Variants in SLC14A2 observed in about 807,000 individuals in gnomAD.
SLC14A2 encodes the protein urea transporter 2.
Under a neutral mutation model 104.6 loss-of-function variants are expected in SLC14A2, and 91 were observed. That is an observed-to-expected ratio of 0.87 (90% CI 0.73 to 1.04). SLC14A2 has a LOEUF of 1.04. Ranked by LOEUF, SLC14A2 falls within the 50% of genes least tolerant of loss-of-function variation. The pLI is 0.00. For missense variants in SLC14A2, 1,189 were observed against 1,156.0 expected (o/e 1.03, Z -0.41); for synonymous variants, 476 against 466.4 (o/e 1.02, Z -0.27).
At chr18:45,177,396 A>G in the SLC14A2 span, among the ~76,000 whole-genome samples, 1 of 152,204 alleles carries the variant, frequency 6.6e-6, no homozygotes, top group African/African-American at 2.4e-5. Flanking sequence ...AATGAAGATC[A>G]GTGTCCTTAA....
At chr18:45,516,543 C>T (rs1301837186) in intron 2 of SLC14A2, among the ~76,000 whole-genome samples, 1 of 152,174 alleles carries the variant, frequency 6.6e-6, no homozygotes, top group African/African-American at 2.4e-5. Context: ...CACTCCTCAA[C>T]CCAAAGAAGC....
intron 2 of SLC14A2, among the ~76,000 whole-genome samples, chr18:45,599,761 T>C (rs1257234673): frequency 2.6e-5 from 4 of 152,222 alleles, no homozygotes; most frequent in Non-Finnish European, 4.4e-5. Flanking sequence ...AGAGGTTTAA[T>C]GGACTTACAG....
intron 2 of SLC14A2, among the ~76,000 whole-genome samples, chr18:45,527,646 C>T (rs1201223433): frequency 6.6e-6 from 1 of 152,134 alleles, no homozygotes; most frequent in Non-Finnish European, 1.5e-5. Context: ...AAGTTCTAGC[C>T]TGGATACTTA....
At chr18:45,368,201 A>G (rs2085685755) in intron 1 of SLC14A2, among the ~76,000 whole-genome samples, 1 of 152,164 alleles carries the variant, frequency 6.6e-6, no homozygotes, top group African/African-American at 2.4e-5. Context: ...AGTGCTTATG[A>G]GCCAGGCCTC....
rs577023182 is a variant in SLC14A2, at chr18:45,229,857, C to T, written c.-125+16666C>T. Among the ~76,000 whole-genome samples the T allele has an allele frequency of 4.7e-5, 7 of 149,580 alleles. No individual in the cohort carries two copies. In the East Asian group the frequency reaches 1.4e-3, roughly 29 times the overall value. ...GCAACTCTTCACCCTATGGAATGAACATGATTAAAAGTGTAAGTTCTAAAG... is the reference window on the plus strand; with the variant it reads ...GCAACTCTTCACCCTATGGAATGAATATGATTAAAAGTGTAAGTTCTAAAG... On this transcript the variant is annotated intron_variant, in intron 1 of 20. Coordinates refer to the SLC14A2 transcript ENST00000586448.
the SLC14A2 span, among the ~76,000 whole-genome samples, chr18:45,192,210 G>T: frequency 6.6e-6 from 1 of 152,044 alleles, no homozygotes; most frequent in African/African-American, 2.4e-5. Context: ...TAGTGTACTT[G>T]GAGGTGTGGT....
chr18:45,481,984 C>G (rs1254936494), intron 1 of SLC14A2, among the ~76,000 whole-genome samples: 1 of 152,084 alleles, frequency 6.6e-6, no homozygotes, highest in African/African-American at 2.4e-5. Context: ...GTTTCGGTTT[C>G]TAACTGGTTT....
chr18:45,324,339 T>A (rs1599675272), intron 1 of SLC14A2, among the ~76,000 whole-genome samples: 1 of 152,200 alleles, frequency 6.6e-6, no homozygotes, highest in East Asian at 1.9e-4. Flanking sequence ...TCAATCTTTT[T>A]ACTCTTTTTC....
At chr18:45,635,130 A>G (rs1348294834) in intron 5 of SLC14A2, among the ~76,000 whole-genome samples, 1 of 152,232 alleles carries the variant, frequency 6.6e-6, no homozygotes, top group Non-Finnish European at 1.5e-5. Context: ...GTGGCAGGAG[A>G]CAGGATACAA....
intron 2 of SLC14A2, among the ~76,000 whole-genome samples, chr18:45,607,959 A>G (rs2044897995): frequency 6.6e-6 from 1 of 152,248 alleles, no homozygotes; most frequent in Non-Finnish European, 1.5e-5. Flanking sequence ...AGTGCCTCTC[A>G]GTCCTTGAAA....
At chr18:45,172,876 T>G in the SLC14A2 span, among the ~76,000 whole-genome samples, 2 of 152,130 alleles carry the variant, frequency 1.3e-5, no homozygotes, top group African/African-American at 4.8e-5. Context: ...CTTTTACTGT[T>G]AAATAAACAC....
At chr18:45,200,733 T>C in the SLC14A2 span, among the ~76,000 whole-genome samples, 144 of 152,310 alleles carry the variant, frequency 9.5e-4, no homozygotes, top group South Asian at 2.7e-3. Flanking sequence ...TTGCCTGGGA[T>C]GCAATATGTA....
chr18:45,374,106 T>C (rs1244107576), intron 1 of SLC14A2, among the ~76,000 whole-genome samples: 2 of 152,148 alleles, frequency 1.3e-5, no homozygotes, highest in East Asian at 3.9e-4. Flanking sequence ...CTCCTCACCT[T>C]CCTACCCAGC....
intron 1 of SLC14A2, among the ~76,000 whole-genome samples, chr18:45,254,695 T>C (rs942759638): frequency 6.6e-6 from 1 of 152,124 alleles, no homozygotes; most frequent in Non-Finnish European, 1.5e-5. Context: ...ATTTCAGCAA[T>C]CTCGGTGAAA....
At chr18:45,504,534 T>G (rs1198980641) in intron 2 of SLC14A2, among the ~76,000 whole-genome samples, 1 of 152,226 alleles carries the variant, frequency 6.6e-6, no homozygotes, top group African/African-American at 2.4e-5. Flanking sequence ...ATATCCTGTT[T>G]AAGCTTCTGT....
At chr18:45,465,943 C>A (rs925073123) in intron 1 of SLC14A2, among the ~76,000 whole-genome samples, 1 of 152,116 alleles carries the variant, frequency 6.6e-6, no homozygotes, top group African/African-American at 2.4e-5. Flanking sequence ...CTAGGTAGCC[C>A]AAGACCTGTT....
intron 1 of SLC14A2, among the ~76,000 whole-genome samples, chr18:45,226,265 T>C (rs1016602812): frequency 2.0e-5 from 3 of 152,178 alleles, no homozygotes; most frequent in Non-Finnish European, 4.4e-5. Flanking sequence ...GTGTGGTGAT[T>C]CCTCAAGGAT....
At chr18:45,561,228 G>T (rs531207271) in intron 2 of SLC14A2, among the ~76,000 whole-genome samples, 1 of 152,264 alleles carries the variant, frequency 6.6e-6, no homozygotes, top group East Asian at 1.9e-4. Context: ...GGGTAGGAGG[G>T]TGAATGAAGG....
intron 2 of SLC14A2, among the ~76,000 whole-genome samples, chr18:45,533,844 A>G (rs746420993): frequency 1.3e-5 from 2 of 152,164 alleles, no homozygotes; most frequent in Admixed American, 1.3e-4. Flanking sequence ...TTAGTGCTAT[A>G]AATGTCCCTC....
Sources: gnomAD v4.1 joint callset for allele counts (sites outside exome capture counted in the v4.1 genomes callset) on GRCh38, gnomAD v4.1.1 for gene constraint, MANE v1.5 for transcripts, NCBI Gene and HGNC (gene_info 2026-07-23, HGNC 2026-07-21) for gene names.